Variants in DIS3L2 observed in about 807,000 individuals in gnomAD.
The protein encoded by DIS3L2 is DIS3 like 3'-5' exoribonuclease 2, also known as DIS3-like exonuclease 2.
Under a neutral mutation model 97.5 loss-of-function variants are expected in DIS3L2, and 34 were observed. That is an observed-to-expected ratio of 0.35 (90% CI 0.27 to 0.46). DIS3L2 has a LOEUF of 0.46. DIS3L2 is among the 20% of genes least tolerant of loss of function. The pLI, the probability that DIS3L2 is intolerant of heterozygous loss-of-function variation, is 1.00. For missense variants in DIS3L2, 1,038 were observed against 1,146.0 expected (o/e 0.91, Z 1.36); for synonymous variants, 435 against 445.2 (o/e 0.98, Z 0.29).
chr2:232,301,681 A>C (rs1694858917), intron 14 of DIS3L2, among the ~76,000 whole-genome samples: 1 of 151,970 alleles, frequency 6.6e-6, no homozygotes, highest in African/African-American at 2.4e-5. Flanking sequence ...TTCTTGCTGG[A>C]CTCTCTGCTC....
intron 8 of DIS3L2, among the ~76,000 whole-genome samples, chr2:232,140,073 T>C (rs1698468461): frequency 6.6e-6 from 1 of 152,140 alleles, no homozygotes; most frequent in South Asian, 2.1e-4. Flanking sequence ...CTATCGAAAA[T>C]CAAACTTGCC....
At chr2:232,307,083 C>T (rs1016278765) in intron 14 of DIS3L2, among the ~76,000 whole-genome samples, 4 of 152,260 alleles carry the variant, frequency 2.6e-5, no homozygotes, top group Non-Finnish European at 5.9e-5. Context: ...GTGCCTTCCC[C>T]GTGGCCCTGT....
chr2:232,266,592 C>G (rs894555124), intron 13 of DIS3L2, among the ~76,000 whole-genome samples: 1 of 152,150 alleles, frequency 6.6e-6, no homozygotes, highest in African/African-American at 2.4e-5. Flanking sequence ...CATCAATCTC[C>G]CACAGCAAAG....
At chr2:231,969,610 G>A (rs766410912) in intron 1 of DIS3L2, among the ~76,000 whole-genome samples, 11 of 152,158 alleles carry the variant, frequency 7.2e-5, no homozygotes, top group East Asian at 1.9e-4. Context: ...TGCGCCTGGC[G>A]TCCTAGAGCT....
chr2:232,329,386 G>A (rs1695666473), intron 14 of DIS3L2: 2 of 162,152 alleles, frequency 1.2e-5, no homozygotes, highest in Non-Finnish European at 2.7e-5. Flanking sequence ...CCATGCCCTG[G>A]GCGAGCATGG....
intron 14 of DIS3L2, among the ~76,000 whole-genome samples, chr2:232,304,981 A>C (rs1694951295): frequency 6.6e-6 from 1 of 152,126 alleles, no homozygotes; most frequent in African/African-American, 2.4e-5. Context: ...ATTGTAGGCA[A>C]CTTCCTCAAA....
chr2:232,121,604 C>T (rs1697907277), intron 6 of DIS3L2, among the ~76,000 whole-genome samples: 2 of 152,160 alleles, frequency 1.3e-5, no homozygotes, highest in South Asian at 4.1e-4. Flanking sequence ...TGTGATGGCT[C>T]CTCATCAATC....
At chr2:232,304,443 G>T (rs1406210835) in intron 14 of DIS3L2, among the ~76,000 whole-genome samples, 1 of 152,230 alleles carries the variant, frequency 6.6e-6, no homozygotes, top group Non-Finnish European at 1.5e-5. Flanking sequence ...GCGCACTCCA[G>T]CACCCTGTGG....
intron 1 of DIS3L2, among the ~76,000 whole-genome samples, chr2:231,969,562 C>T (rs1319324116): frequency 1.3e-5 from 2 of 152,156 alleles, no homozygotes; most frequent in Non-Finnish European, 2.9e-5. Flanking sequence ...CTGTCCGCCT[C>T]AGCCTCCCAA....
intron 6 of DIS3L2, among the ~76,000 whole-genome samples, chr2:232,093,215 A>T (rs1023939353): frequency 6.6e-6 from 1 of 152,140 alleles, no homozygotes; most frequent in African/African-American, 2.4e-5. Flanking sequence ...ATGTTGAGCC[A>T]TGTTTGCATC....
At chr2:232,290,263 A>G (rs1416884369) in intron 13 of DIS3L2, among the ~76,000 whole-genome samples, 1 of 152,192 alleles carries the variant, frequency 6.6e-6, no homozygotes, top group Non-Finnish European at 1.5e-5. Flanking sequence ...CTTTGTATTC[A>G]CTGTTGCATA....
At chr2:232,000,772 G>A (rs935905090) in intron 1 of DIS3L2, among the ~76,000 whole-genome samples, 3 of 108,006 alleles carry the variant, frequency 2.8e-5, no homozygotes, top group Non-Finnish European at 3.6e-5. Context: ...CCATGTTGTT[G>A]CCCAGGCTGG....
intron 14 of DIS3L2, among the ~76,000 whole-genome samples, chr2:232,304,444 C>T (rs1449947160): frequency 6.6e-6 from 1 of 152,218 alleles, no homozygotes; most frequent in Non-Finnish European, 1.5e-5. Flanking sequence ...CGCACTCCAG[C>T]ACCCTGTGGG....
chr2:232,340,974 T>C (rs79014863), downstream of DIS3L2: 463 of 468,516 alleles, frequency 9.9e-4, 2 homozygotes, highest in African/African-American at 8.5e-3. Context: ...AATGCCTTCC[T>C]GGAGGTGAGA....
chr2:232,181,953 C>T (rs1394563797), intron 9 of DIS3L2, among the ~76,000 whole-genome samples: 1 of 151,920 alleles, frequency 6.6e-6, no homozygotes, highest in Non-Finnish European at 1.5e-5. Context: ...TGCCCGGGCG[C>T]CTGGCTAATT....
intron 13 of DIS3L2, among the ~76,000 whole-genome samples, chr2:232,287,431 ACT>A (rs1314219643): frequency 9.7e-6 from 1 of 103,470 alleles, no homozygotes; most frequent in Non-Finnish European, 1.7e-5. Context: ...ACAGGGCCTC[ACT>A]CTGTTGCCAG....
At chr2:232,127,476 G>A (rs1475888141) in intron 6 of DIS3L2, among the ~76,000 whole-genome samples, 1 of 152,098 alleles carries the variant, frequency 6.6e-6, no homozygotes, top group East Asian at 1.9e-4. Context: ...CATCTCCAAT[G>A]CCTGCATCAC....
chr2:232,274,091 A>G (rs1574986838), intron 13 of DIS3L2, among the ~76,000 whole-genome samples: 1 of 152,152 alleles, frequency 6.6e-6, no homozygotes, highest in Non-Finnish European at 1.5e-5. Flanking sequence ...ACTCAAACCT[A>G]AGTGCCTCGC....
chr2:232,166,898 A>G (rs1437336306), intron 9 of DIS3L2, among the ~76,000 whole-genome samples: 1 of 151,572 alleles, frequency 6.6e-6, no homozygotes, highest in Non-Finnish European at 1.5e-5. Context: ...GCAGGTGCCT[A>G]TAATCCCAGC....
Sources: gnomAD v4.1 joint callset for allele counts (sites outside exome capture counted in the v4.1 genomes callset) on GRCh38, gnomAD v4.1.1 for gene constraint, MANE v1.5 for transcripts, NCBI Gene and HGNC (gene_info 2026-07-23, HGNC 2026-07-21) for gene names.